Variants in DUXA observed in about 807,000 individuals in gnomAD.
DUXA encodes double homeobox A.
DUXA carries 25 observed loss-of-function variants against 27.5 expected under a neutral mutation model. The ratio of observed to expected loss-of-function variants is 0.91; its 90% CI spans 0.66 to 1.27. The LOEUF (loss-of-function observed/expected upper bound fraction) is 1.27. DUXA is among the 50% of genes most tolerant of loss of function. DUXA has a pLI of 0.00. For synonymous variants in DUXA, 90 were observed against 80.5 expected, an observed-to-expected ratio of 1.12 and a Z score of -0.63; for missense variants, 247 against 242.9, an observed-to-expected ratio of 1.02 and a Z score of -0.11.
At chr19:57,167,277 T>C (rs916948892) in intron 1 of DUXA, 142 bp downstream of exon 1, 22 of 1,007,532 alleles carry the variant, frequency 2.2e-5, no homozygotes, top group Non-Finnish European at 3.0e-5. Context: ...TAATATCACA[T>C]CAGAGAAACC....
intron 4 of DUXA, among the ~76,000 whole-genome samples, chr19:57,157,768 A>G (rs1669000698): frequency 1.3e-5 from 2 of 152,158 alleles, no homozygotes; most frequent in Admixed American, 1.3e-4. Context: ...AGGAGGGTGG[A>G]TCACCTGAGG....
At chr19:57,155,205 C>G (rs541992346) in intron 5 of DUXA, 62 bp downstream of exon 5, 6 of 1,469,440 alleles carry the variant, frequency 4.1e-6, no homozygotes, top group Admixed American at 3.4e-5. Flanking sequence ...TCCACCATGA[C>G]GAAGCACTGG....
chr19:57,166,685 A>C (rs564836611), intron 1 of DUXA, among the ~76,000 whole-genome samples: 12 of 152,348 alleles, frequency 7.9e-5, no homozygotes, highest in Admixed American at 2.6e-4. Context: ...CAGGGAGATC[A>C]GTTAGGAGAA....
chr19:57,159,416 C>CT (rs1027326175), intron 2 of DUXA, 138 bp from the exon 3 acceptor site: 36 of 780,762 alleles, frequency 4.6e-5, no homozygotes, highest in South Asian at 5.7e-5. Flanking sequence ...CTACCAAGTC[C>CT]TTTTTTTTCT....
chr19:57,162,088 G>A (rs566129815), intron 1 of DUXA, among the ~76,000 whole-genome samples: 52 of 151,988 alleles, frequency 3.4e-4, no homozygotes, highest in African/African-American at 1.2e-3. Context: ...GTTTCGCCAC[G>A]TTGTCCAGGC....
chr19:57,160,508 C>T (rs1297557302), intron 2 of DUXA, 135 bp downstream of exon 2: 9 of 1,043,642 alleles, frequency 8.6e-6, no homozygotes, highest in East Asian at 4.8e-5. Context: ...CCAACACCTT[C>T]GTGGGTTTAT....
At chr19:57,164,374 G>A (rs550061544) in intron 1 of DUXA, among the ~76,000 whole-genome samples, 12 of 152,122 alleles carry the variant, frequency 7.9e-5, no homozygotes, top group East Asian at 1.9e-4. Flanking sequence ...TCAGGAGTTC[G>A]AGACCAGCCT....
intron 1 of DUXA, among the ~76,000 whole-genome samples, chr19:57,165,318 A>ATATATATATATATAT (rs1555759520): frequency 1.0e-5 from 1 of 97,082 alleles, no homozygotes; most frequent in East Asian, 2.9e-4. Flanking sequence ...GGAAAAAAAA[A>ATATATATATATATAT]AAAAAAATAT....
intron 5 of DUXA, 107 bp downstream of exon 5, chr19:57,155,160 G>A (rs2086986155): frequency 2.1e-6 from 2 of 971,762 alleles, no homozygotes; most frequent in East Asian, 4.9e-5. Context: ...CACTTGAGTG[G>A]GGATATCCTC....
intron 1 of DUXA, among the ~76,000 whole-genome samples, chr19:57,165,142 G>A (rs1240281340): frequency 1.3e-5 from 2 of 151,488 alleles, no homozygotes; most frequent in African/African-American, 2.4e-5. Context: ...CTATTCTTCC[G>A]TATATTTGTA....
At chr19:57,165,662 AG>A in intron 1 of DUXA, among the ~76,000 whole-genome samples, 1 of 151,838 alleles carries the variant, frequency 6.6e-6, no homozygotes, top group Non-Finnish European at 1.5e-5. Context: ...AAAATTAGCC[AG>A]GCGTGGTGGC....
At chr19:57,159,068 C>G in intron 3 of DUXA, 99 bp downstream of exon 3, 1 of 976,016 alleles carries the variant, frequency 1.0e-6, no homozygotes, top group South Asian at 1.6e-5. Flanking sequence ...AGACCCTGAA[C>G]AGGAGGTCAT....
At chr19:57,164,524 G>A (rs908768984) in intron 1 of DUXA, among the ~76,000 whole-genome samples, 4 of 152,022 alleles carry the variant, frequency 2.6e-5, no homozygotes, top group Non-Finnish European at 2.9e-5. Context: ...GCAGTGAGCC[G>A]AGATTGCACC....
Position 57,154,500 on chromosome 19 carries a change from T to TA in DUXA, c.545-19dup, listed in dbSNP as rs1166029680. The TA allele has an allele frequency of 1.4e-5, 22 of 1,598,216 alleles. No individual in the cohort carries two copies. The highest frequency in any genetic ancestry group is 2.7e-5 in the African/African-American group (2 of 74,686). On this transcript the variant is annotated intron_variant, in intron 5 of 5. Transcript: ENST00000554048. ...TTCTGCACCTAAGGAGGAAAAAAGA[T>TA]AGAGGAAAGAATGTAAGAGATCAGC...
At chr19:57,158,269 T>C in intron 4 of DUXA, 59 bp downstream of exon 4, 5 of 1,590,496 alleles carry the variant, frequency 3.1e-6, no homozygotes, top group Non-Finnish European at 4.3e-6. Flanking sequence ...CCCATGTGGC[T>C]TCCCTTCCTG....
chr19:57,158,371 T>C lies in DUXA; in HGVS notation c.395A>G (p.Glu132Gly). The change falls in exon 4 of 6, where the codon GAA (glutamate) becomes GGA (glycine). Residue 132 changes from glutamate (E) to glycine (G), a missense_variant. Physicochemically the swap from Glu to Gly is moderately conservative, Grantham distance 98. Transcript: ENST00000554048. ...KNPYPGIDSR[E>G]ELAKEIGVPE... ...AACACCGATTTCTTTAGCAAGTTCT[T>C]CTCTGGAATCAATCCCAGGATATGG... 6.2e-7 allele frequency: 1 copy of C among 1,612,712 alleles called. No individual in the cohort carries two copies. Among genetic ancestry groups the C allele is most frequent in the Non-Finnish European group, 8.5e-7 (1 of 1,179,982 alleles).
At chr19:57,162,621 C>G (rs2087030143) in intron 1 of DUXA, among the ~76,000 whole-genome samples, 1 of 152,114 alleles carries the variant, frequency 6.6e-6, no homozygotes, top group Non-Finnish European at 1.5e-5. Context: ...GTTGCCCAGG[C>G]TGGAGTGCAA....
At chr19:57,163,033 T>C (rs2087032485) in intron 1 of DUXA, among the ~76,000 whole-genome samples, 3 of 152,194 alleles carry the variant, frequency 2.0e-5, no homozygotes, top group Admixed American at 2.0e-4. Flanking sequence ...CTTGACCTCA[T>C]CATACGCGAC....
chr19:57,165,322 A>ATATATATATATATATATATATGTAT (rs1484903570), intron 1 of DUXA, among the ~76,000 whole-genome samples: 1 of 89,104 alleles, frequency 1.1e-5, no homozygotes, highest in African/African-American at 4.0e-5. Flanking sequence ...AAAAAAAAAA[A>ATATATATATATATATATATATGTAT]AAATATATAT....
Sources: gnomAD v4.1 joint callset for allele counts (sites outside exome capture counted in the v4.1 genomes callset) on GRCh38, gnomAD v4.1.1 for gene constraint, MANE v1.5 for transcripts, NCBI Gene and HGNC (gene_info 2026-07-23, HGNC 2026-07-21) for gene names.